The following ARHGAP12 variants were observed in gnomAD, a reference collection of about 807,000 sequenced individuals.
ARHGAP12 encodes rho GTPase-activating protein 12.
Under a neutral mutation model 108.6 loss-of-function variants are expected in ARHGAP12, and 64 were observed. The observed-to-expected ratio is 0.59, with a 90% CI of 0.48 to 0.73. The LOEUF is 0.73. Among genes scored for constraint, ARHGAP12 ranks in the 30% least tolerant of loss-of-function variants. The pLI is 0.00. For synonymous variants in ARHGAP12, 312 were observed against 337.2 expected, an observed-to-expected ratio of 0.93 and a Z score of 0.82; for missense variants, 940 against 1,005.9, an observed-to-expected ratio of 0.93 and a Z score of 0.89.
chr10:31,808,120 T>C (rs575312326), intron 19 of ARHGAP12, among the ~76,000 whole-genome samples: 7 of 152,160 alleles, frequency 4.6e-5, no homozygotes, highest in South Asian at 2.1e-4. Flanking sequence ...TGAGTTACAA[T>C]TCAGGTAACA....
At chr10:31,812,158 G>A (rs752928958) in intron 15 of ARHGAP12, among the ~76,000 whole-genome samples, 26 of 151,920 alleles carry the variant, frequency 1.7e-4, no homozygotes, top group Non-Finnish European at 2.9e-4. Flanking sequence ...AATTAAACAC[G>A]CTCGTAAGAA....
At position 31,889,328 on chromosome 10, in the gene ARHGAP12, C is replaced by T. The variant is rs78008748; in HGVS notation, c.684+18844G>A. 1.9e-3 allele frequency among the ~76,000 whole-genome samples: 282 copies of T among 152,356 alleles called. 4 individuals carry two copies. In the East Asian group the frequency reaches 0.035, roughly 19 times the overall value. On this transcript the variant is annotated intron_variant, in intron 3 of 19. Coordinates refer to ENST00000344936, the MANE Select transcript of ARHGAP12 (RefSeq NM_018287.7). ...CTAAGGCAAAGCCACTGAATATCATCTGTCAATTGCTTTGATTAAATAATG... is the reference window on the plus strand; with the variant it reads ...CTAAGGCAAAGCCACTGAATATCATTTGTCAATTGCTTTGATTAAATAATG...
rs181971669 is a variant in ARHGAP12, at chr10:31,824,461, G to C, written c.1530+1843C>G. On this transcript the variant is annotated intron_variant, in intron 11 of 19. Transcript: ENST00000344936. ...CTCAGTAAATTTTAAACTATGTTTC[G>C]GCTATTGCCACATGGTAACAAAGTA... Among the ~76,000 whole-genome samples the C allele has an allele frequency of 1.2e-3, 186 of 152,092 alleles. 1 individual carries two copies. The Middle Eastern group carries it at 0.017, about 14-fold the overall frequency.
Position 31,831,792 on chromosome 10 carries a change from C to A in ARHGAP12, c.1395G>T (p.Glu465Asp). The change falls in exon 10 of 20, where the codon GAG (glutamate) becomes GAT (aspartate). Residue 465 changes from glutamate (E) to aspartate (D), a missense_variant. By Grantham distance (45) the Glu-to-Asp change is conservative (BLOSUM62 2). Transcript: ENST00000344936. ...TTGTTACATTTAATAATCCATATTT[C>A]TCTTGATCCTATGGAACAGAGTAAT... The part of the protein sequence containing the change: ...QDTASSPKDQ[E>D]KYGLLNVTKI... 6.3e-7 allele frequency: 1 copy of A among 1,575,002 alleles called. No homozygotes were observed. Among genetic ancestry groups the A allele is most frequent in the Non-Finnish European group, 8.7e-7 (1 of 1,148,426 alleles).
intron 4 of ARHGAP12, among the ~76,000 whole-genome samples, chr10:31,856,820 T>C (rs1168294989): frequency 6.6e-6 from 1 of 152,072 alleles, no homozygotes; most frequent in Non-Finnish European, 1.5e-5. Context: ...TCTAAAACTT[T>C]ATACATAGAA....
intron 3 of ARHGAP12, among the ~76,000 whole-genome samples, chr10:31,886,500 C>T (rs896333479): frequency 3.3e-5 from 5 of 151,950 alleles, no homozygotes; most frequent in African/African-American, 1.2e-4. Flanking sequence ...ATGAATATTC[C>T]AGTATCAGAA....
chr10:31,853,849 C>T (rs1301852601), intron 5 of ARHGAP12, among the ~76,000 whole-genome samples: 1 of 152,114 alleles, frequency 6.6e-6, no homozygotes, highest in Non-Finnish European at 1.5e-5. Context: ...AAAAGTCTTC[C>T]ATGAGTACAA....
At chr10:31,839,400 C>A in intron 8 of ARHGAP12, 81 bp from the exon 9 acceptor site, 3 of 1,407,098 alleles carry the variant, frequency 2.1e-6, no homozygotes, top group South Asian at 2.6e-5. Flanking sequence ...AATATAAGTT[C>A]ATCACTTAAA....
intron 1 of ARHGAP12, among the ~76,000 whole-genome samples, chr10:31,919,189 G>C (rs555972115): frequency 2.0e-5 from 3 of 152,296 alleles, no homozygotes; most frequent in African/African-American, 7.2e-5. Context: ...CATAAAGACA[G>C]AAAGCAGAAT....
chr10:31,867,013 A>G (rs1477613958), intron 3 of ARHGAP12, among the ~76,000 whole-genome samples: 1 of 152,208 alleles, frequency 6.6e-6, no homozygotes, highest in Non-Finnish European at 1.5e-5. Flanking sequence ...AAATCTAGAG[A>G]CTTAACAGTA....
At chr10:31,885,576 T>C (rs1333459989) in intron 3 of ARHGAP12, among the ~76,000 whole-genome samples, 1 of 152,140 alleles carries the variant, frequency 6.6e-6, no homozygotes, top group Non-Finnish European at 1.5e-5. Context: ...TCCAGCACTT[T>C]GGGAGGCTGA....
intron 3 of ARHGAP12, among the ~76,000 whole-genome samples, chr10:31,893,723 G>A (rs1021966897): frequency 6.6e-6 from 1 of 152,028 alleles, no homozygotes; most frequent in East Asian, 1.9e-4. Context: ...AGAAAAAGAG[G>A]GAATCCTCCC....
intron 3 of ARHGAP12, among the ~76,000 whole-genome samples, chr10:31,895,766 G>C (rs1177241417): frequency 1.3e-5 from 2 of 152,138 alleles, no homozygotes; most frequent in Admixed American, 6.6e-5. Flanking sequence ...TATAAATCAT[G>C]CTGCTATAAA....
chr10:31,849,856 T>A (rs993316561), intron 6 of ARHGAP12, among the ~76,000 whole-genome samples: 4 of 152,188 alleles, frequency 2.6e-5, no homozygotes, highest in African/African-American at 9.6e-5. Flanking sequence ...TTGCCTCTCC[T>A]CTTTTTTTCA....
chr10:31,821,573 C>G (rs766806872), intron 11 of ARHGAP12, among the ~76,000 whole-genome samples: 1 of 152,154 alleles, frequency 6.6e-6, no homozygotes, highest in Non-Finnish European at 1.5e-5. Context: ...TCTTACCCAA[C>G]TTTGTGATAA....
chr10:31,872,288 C>A (rs573857977), intron 3 of ARHGAP12, among the ~76,000 whole-genome samples: 103 of 152,166 alleles, frequency 6.8e-4, no homozygotes, highest in African/African-American at 2.4e-3. Flanking sequence ...AAACCAAAAT[C>A]TCTCCCTCAA....
At chr10:31,880,376 G>C (rs1290179318) in intron 3 of ARHGAP12, among the ~76,000 whole-genome samples, 1 of 152,042 alleles carries the variant, frequency 6.6e-6, no homozygotes, top group Non-Finnish European at 1.5e-5. Context: ...TCGGAGGCCA[G>C]GACAGGAGGA....
chr10:31,924,207 T>C (rs1319851676), intron 1 of ARHGAP12, among the ~76,000 whole-genome samples: 3 of 152,222 alleles, frequency 2.0e-5, no homozygotes, highest in Admixed American at 2.0e-4. Context: ...TCTAGGTATT[T>C]ACCCAAGAGA....
intron 3 of ARHGAP12, among the ~76,000 whole-genome samples, chr10:31,886,893 T>C (rs1352194608): frequency 1.3e-5 from 2 of 152,200 alleles, no homozygotes; most frequent in Non-Finnish European, 2.9e-5. Context: ...TGAGAAGTTT[T>C]TGCAAAGAAT....
Sources: allele counts gnomAD v4.1 joint callset (sites outside exome capture counted in the v4.1 genomes callset), GRCh38; gene constraint gnomAD v4.1.1; transcripts MANE v1.5; gene names NCBI Gene and HGNC (gene_info 2026-07-23, HGNC 2026-07-21).